The following DLG5 variants were observed in gnomAD, a reference collection of about 807,000 sequenced individuals.
DLG5 encodes the protein discs large MAGUK scaffold protein 5.
DLG5 carries 48 observed loss-of-function variants against 189.8 expected under a neutral mutation model. The observed-to-expected ratio is 0.25, with a 90% confidence interval of 0.20 to 0.32. The LOEUF (loss-of-function observed/expected upper bound fraction) is 0.32, where lower values mean the gene tolerates loss of function less well. Among genes scored for constraint, DLG5 ranks in the 10% least tolerant of loss-of-function variants. The probability of loss-of-function intolerance (pLI) is 1.00; values close to 1 mark genes in which losing one functional copy is unlikely to be tolerated. For synonymous variants in DLG5, 1,016 were observed against 1,054.1 expected (o/e 0.96, Z 0.70); for missense variants, 2,160 against 2,544.7 (o/e 0.85, Z 3.25).
At chr10:77,851,054 C>T (rs1158410666) in intron 5 of DLG5, among the ~76,000 whole-genome samples, 2 of 152,190 alleles carry the variant, frequency 1.3e-5, no homozygotes, top group African/African-American at 2.4e-5. Context: ...AGGTAAAGGC[C>T]GGGAGAGGCC....
intron 1 of DLG5, among the ~76,000 whole-genome samples, chr10:77,900,687 A>G (rs183675697): frequency 5.0e-4 from 76 of 152,292 alleles, no homozygotes; most frequent in Admixed American, 2.2e-3. Context: ...CTGTAATCCC[A>G]GCACTTTGGG....
Position 77,829,034 on chromosome 10 carries a change from C to G in DLG5, c.2186-49G>C, listed in dbSNP as rs113047927. On this transcript the variant is annotated intron_variant, in intron 12 of 31. Coordinates refer to ENST00000372391, the MANE Select transcript of DLG5 (RefSeq NM_004747.4). ...GGTAGCCCCTGGCCTCGCTGCCCAG[C>G]CCTGGGTCACCCTACCTCATCTTTG... 2.6e-4 allele frequency: 398 copies of G among 1,554,910 alleles called. 1 individual carries two copies. In the African/African-American group the frequency reaches 4.7e-3, roughly 18 times the overall value.
At chr10:77,891,813 T>C (rs981981169) in intron 1 of DLG5, among the ~76,000 whole-genome samples, 1 of 152,202 alleles carries the variant, frequency 6.6e-6, no homozygotes, top group African/African-American at 2.4e-5. Context: ...GCTCACATTC[T>C]GCATGCGGGA....
At chr10:77,892,585 C>G (rs1845641971) in intron 1 of DLG5, among the ~76,000 whole-genome samples, 1 of 152,154 alleles carries the variant, frequency 6.6e-6, no homozygotes. Context: ...AGGGCCCCAG[C>G]CTGCTCCCCT....
At position 77,849,371 on chromosome 10, in the gene DLG5, C is replaced by T. The variant is rs556837915; in HGVS notation, c.864+3983G>A. 6.0e-4 allele frequency among the ~76,000 whole-genome samples: 91 copies of T among 152,376 alleles called. 1 individual carries two copies. Among genetic ancestry groups the T allele is most frequent in the African/African-American group, 2.0e-3 (85 of 41,592 alleles). ...AAGCCTGTGGCCATCCCCTTATCCC[C>T]GCTTCCTCTGCTGCTGGCCTACTGC... On this transcript the variant is annotated intron_variant, in intron 5 of 31. Coordinates refer to ENST00000372391, the MANE Select transcript of DLG5 (RefSeq NM_004747.4).
chr10:77,844,777 G>C (rs778590325), intron 5 of DLG5, among the ~76,000 whole-genome samples: 8 of 152,250 alleles, frequency 5.3e-5, no homozygotes, highest in Non-Finnish European at 1.2e-4. Context: ...GCAGAGTGGA[G>C]GTCTGTGAGG....
intron 26 of DLG5, 39 bp downstream of exon 26, chr10:77,806,719 C>T (rs766274651): frequency 1.8e-6 from 2 of 1,137,748 alleles, no homozygotes; most frequent in Non-Finnish European, 1.3e-6. Flanking sequence ...CCCTCGGCGA[C>T]CCCTGCCCCA....
At chr10:77,865,869 C>T (rs1781815) in intron 2 of DLG5, among the ~76,000 whole-genome samples, 39,078 of 152,028 alleles carry the variant, frequency 0.26, 5,627 homozygotes, top group Admixed American at 0.39. Context: ...GCTGGAGATC[C>T]GAGACCCGAC....
At chr10:77,833,852 G>A in intron 9 of DLG5, 62 bp downstream of exon 9, 1 of 1,587,250 alleles carries the variant, frequency 6.3e-7, no homozygotes, top group East Asian at 2.2e-5. Flanking sequence ...TTGCCCAGAA[G>A]GGAGAGGGGC....
intron 17 of DLG5, 72 bp downstream of exon 17, chr10:77,819,249 G>T: frequency 6.2e-7 from 1 of 1,605,466 alleles, no homozygotes. Context: ...GCCTCTTTAT[G>T]CACTCATGGT....
chr10:77,835,236 A>C (rs1843067484), intron 8 of DLG5, among the ~76,000 whole-genome samples: 1 of 151,660 alleles, frequency 6.6e-6, no homozygotes, highest in Non-Finnish European at 1.5e-5. Context: ...CGAATGCCAC[A>C]CTCTCTGGGG....
intron 1 of DLG5, among the ~76,000 whole-genome samples, chr10:77,900,245 C>T (rs1362571372): frequency 1.3e-5 from 2 of 152,146 alleles, no homozygotes; most frequent in Non-Finnish European, 2.9e-5. Flanking sequence ...GTCCTTGGCA[C>T]AGCCTCTACC....
chr10:77,831,665 A>T (rs920574139), intron 9 of DLG5, among the ~76,000 whole-genome samples: 1 of 152,226 alleles, frequency 6.6e-6, no homozygotes, highest in African/African-American at 2.4e-5. Context: ...CAAGTCACCA[A>T]AGGTGCATAA....
intron 2 of DLG5, among the ~76,000 whole-genome samples, chr10:77,857,106 C>G (rs1441385832): frequency 6.6e-6 from 1 of 152,170 alleles, no homozygotes; most frequent in East Asian, 1.9e-4. Context: ...CATCCAAGCA[C>G]TCAACAACCC....
rs767026215 is a variant in DLG5, at chr10:77,809,622, C to T, written c.4572G>A (p.Val1524=). ...TGTCATCCTCCACCTCGGCCACAAA[C>T]ACCCCATGCAGGTTCCCACCACACA... ...VHLCGGNLHG[V]FVAEVEDDSP... is the part of the protein sequence containing the mutation. Residue 1524 remains valine, a synonymous_variant, in exon 24 of 32, where the codon GTG becomes GTA. Transcript: ENST00000372391. 4 of 1,614,224 alleles carry T rather than the reference C, an allele frequency of 2.5e-6. No homozygotes were observed. The South Asian group carries it at 3.3e-5, about 13-fold the overall frequency.
At chr10:77,895,083 C>T (rs760758697) in intron 1 of DLG5, among the ~76,000 whole-genome samples, 2 of 152,246 alleles carry the variant, frequency 1.3e-5, no homozygotes, top group East Asian at 1.9e-4. Flanking sequence ...CTGGACTTAA[C>T]CCCAGTCTGA....
chr10:77,875,355 G>A (rs1019162807), intron 1 of DLG5, among the ~76,000 whole-genome samples: 2 of 152,170 alleles, frequency 1.3e-5, no homozygotes, highest in Admixed American at 6.5e-5. Context: ...TCTCTGGAAG[G>A]GTAAGAAGTC....
At chr10:77,828,805 T>C in intron 13 of DLG5, 77 bp downstream of exon 13, 4 of 1,453,750 alleles carry the variant, frequency 2.8e-6, no homozygotes, top group Non-Finnish European at 3.8e-6. Flanking sequence ...ACTTTGCTCA[T>C]TACTTCTTGC....
chr10:77,792,344 T>C lies in DLG5; in HGVS notation c.*96A>G, dbSNP rs780105288. 7 of 1,251,456 alleles carry C rather than the reference T, an allele frequency of 5.6e-6. No individual in the cohort carries two copies. Among genetic ancestry groups the C allele is most frequent in the South Asian group, 1.2e-5 (1 of 81,356 alleles). 77.5% of individuals were successfully genotyped at this position (1,251,456 alleles called of 1,614,324 possible). A position where few individuals can be genotyped will look rare whatever the true frequency, so the allele number is the denominator to read the frequency against. On this transcript the variant is annotated 3_prime_UTR_variant, in exon 32 of 32. Coordinates refer to ENST00000372391, the MANE Select transcript of DLG5 (RefSeq NM_004747.4). The stretch of plus-strand genomic sequence containing the variant: ...TCCGGATCCTTCCCCCGCATGTTCA[T>C]AGACGGACAGACTTCTACTTTCAGT...
Sources: gnomAD v4.1 joint callset for allele counts (sites outside exome capture counted in the v4.1 genomes callset) on GRCh38, gnomAD v4.1.1 for gene constraint, MANE v1.5 for transcripts, NCBI Gene and HGNC (gene_info 2026-07-23, HGNC 2026-07-21) for gene names.